Variants in ANKRD26 observed in about 807,000 individuals in gnomAD.
ANKRD26 encodes the protein ankyrin repeat domain 26.
In ANKRD26, 141 loss-of-function variants were observed where a neutral mutation model predicts 208.7. The ratio of observed to expected loss-of-function variants is 0.68; its 90% confidence interval spans 0.59 to 0.78. ANKRD26 has a LOEUF of 0.78. Ranked by LOEUF, ANKRD26 falls within the 30% of genes least tolerant of loss-of-function variation. The pLI is 0.00. For missense variants in ANKRD26, 1,889 were observed against 1,938.7 expected (o/e 0.97, Z 0.48); for synonymous variants, 636 against 660.4 (o/e 0.96, Z 0.57).
At chr10:26,971,595 G>T (rs1438780251), downstream of ANKRD26, among the ~76,000 whole-genome samples, 1 of 148,482 alleles carries the variant, frequency 6.7e-6, no homozygotes, top group Non-Finnish European at 1.5e-5. Context: ...AGAATCGCTT[G>T]AACTCAGGAG....
At chr10:27,079,590 G>A (rs1481409510) in intron 6 of ANKRD26, among the ~76,000 whole-genome samples, 1 of 152,024 alleles carries the variant, frequency 6.6e-6, no homozygotes, top group Non-Finnish European at 1.5e-5. Context: ...GCGGTGGCTC[G>A]TGCCTGTAAT....
the ANKRD26 span, among the ~76,000 whole-genome samples, chr10:26,951,013 CT>C: frequency 7.0e-3 from 703 of 100,350 alleles, no homozygotes; most frequent in South Asian, 0.011. Flanking sequence ...CTTTTCTTTT[CT>C]TTTTCTTTTT....
chr10:26,949,271 G>A, the ANKRD26 span, among the ~76,000 whole-genome samples: 3 of 151,984 alleles, frequency 2.0e-5, no homozygotes, highest in Non-Finnish European at 2.9e-5. Flanking sequence ...ATTGAAGTAT[G>A]ATATACATGT....
intron 18 of ANKRD26, among the ~76,000 whole-genome samples, chr10:27,045,613 T>C (rs1172171586): frequency 6.6e-6 from 1 of 152,154 alleles, no homozygotes; most frequent in Non-Finnish European, 1.5e-5. Context: ...TAAACAACTA[T>C]TAAGTTAATA....
the ANKRD26 span, among the ~76,000 whole-genome samples, chr10:26,960,973 C>A: frequency 6.6e-6 from 1 of 152,094 alleles, no homozygotes; most frequent in Non-Finnish European, 1.5e-5. Context: ...AATCCCAGCC[C>A]TTTGGGAGGC....
chr10:27,079,167 GAACA>G lies in ANKRD26; in HGVS notation c.741-10_741-7del, dbSNP rs1448397398. The G allele has an allele frequency of 6.2e-7, 1 of 1,610,538 alleles. No homozygotes were observed. Among genetic ancestry groups the G allele is most frequent in the Non-Finnish European group, 8.5e-7 (1 of 1,177,068 alleles). ...CACCCGGTTTGCCAGAAAGCCTTTA[GAACA>G]AAAATATAGAAAAATGAGTGAATTC... On this transcript the variant is annotated splice_region_variant and splice_polypyrimidine_tract_variant and intron_variant, in intron 6 of 33. Coordinates refer to ENST00000376087, the MANE Select transcript of ANKRD26 (RefSeq NM_014915.3).
chr10:27,013,157 A>G (rs988316043), intron 31 of ANKRD26, 47 bp from the exon 32 acceptor site: 1 of 1,533,686 alleles, frequency 6.5e-7, no homozygotes, highest in East Asian at 2.3e-5. Flanking sequence ...ACTTTTCCCT[A>G]AATGATTCCT....
At position 27,100,170 on chromosome 10, in the gene ANKRD26, C is replaced by T. The variant is rs2056601350; in HGVS notation, c.157G>A (p.Ala53Thr). 1.2e-6 allele frequency: 2 copies of T among 1,613,992 alleles called. No homozygotes were observed. The highest frequency in any genetic ancestry group is 2.2e-5 in the South Asian group (2 of 91,092). Reference sequence around the variant, plus strand: ...TTCGCCACATTACCCGCGCTGGCAGCTTTGTGGATCTTGCCGAGATCTCGG... The same window carrying T: ...TTCGCCACATTACCCGCGCTGGCAGTTTTGTGGATCTTGCCGAGATCTCGG... The part of the protein sequence containing the change: ...RDRDLGKIHK[A>T]ASAGNVAKVQ... The change falls in exon 1 of 34, where the codon GCT becomes ACT. Residue 53 changes from alanine to threonine, a missense_variant. By Grantham distance (58) the Ala-to-Thr change is moderately conservative. Coordinates refer to ENST00000376087, the MANE Select transcript of ANKRD26 (RefSeq NM_014915.3).
chr10:27,079,847 T>G (rs2055837467), intron 6 of ANKRD26, among the ~76,000 whole-genome samples: 1 of 148,874 alleles, frequency 6.7e-6, no homozygotes, highest in South Asian at 2.1e-4. Flanking sequence ...AGCAAGACAC[T>G]GTCTCAAAAA....
intron 24 of ANKRD26, 63 bp from the exon 25 acceptor site, chr10:27,033,440 A>C: frequency 6.8e-7 from 1 of 1,468,722 alleles, no homozygotes; most frequent in Non-Finnish European, 9.3e-7. Flanking sequence ...GTTAAAAAAT[A>C]AATTATGTTA....
Position 27,005,368 on chromosome 10 carries a change from T to C in ANKRD26, c.*222A>G, listed in dbSNP as rs1312360660. 31 of 1,260,592 alleles carry C rather than the reference T, an allele frequency of 2.5e-5. No homozygotes were observed. The highest frequency in any genetic ancestry group is 3.0e-5 in the Non-Finnish European group (30 of 998,248). The allele number at this position is 1,260,592 out of a possible 1,614,324, so 78.1% of individuals were successfully genotyped here. A position where few individuals can be genotyped will look rare whatever the true frequency, so the allele number is the denominator to read the frequency against. ...TTTGGCTGTTTAAACAGCTCACATT[T>C]GGGCAGTTTGAGTATGTAAAACTCA... On this transcript the variant is annotated 3_prime_UTR_variant, in exon 34 of 34. Transcript: ENST00000376087.
At chr10:27,079,265 AAACCTGGTG>A in intron 6 of ANKRD26, 104 bp from the exon 7 acceptor site, 2 of 869,962 alleles carry the variant, frequency 2.3e-6, no homozygotes, top group African/African-American at 1.7e-5. Flanking sequence ...AAAAAAACAA[AAACCTGGTG>A]AAAGGTCAAC....
downstream of ANKRD26, among the ~76,000 whole-genome samples, chr10:26,988,927 CTGTT>C (rs1361354800): frequency 1.1e-4 from 17 of 151,738 alleles, no homozygotes; most frequent in South Asian, 3.3e-3. Context: ...TTATCTTCTC[CTGTT>C]TGTTTTTTCT....
intron 22 of ANKRD26, among the ~76,000 whole-genome samples, chr10:27,037,539 T>C (rs748928120): frequency 6.6e-6 from 1 of 152,180 alleles, no homozygotes; most frequent in Admixed American, 6.5e-5. Flanking sequence ...CAGGCAAATA[T>C]AGAATTGTGA....
chr10:27,077,577 T>C (rs769789065), intron 8 of ANKRD26, 37 bp from the exon 9 acceptor site: 1 of 1,610,866 alleles, frequency 6.2e-7, no homozygotes, highest in Admixed American at 1.7e-5. Flanking sequence ...AATGAAAATA[T>C]ATGTAATTAA....
At chr10:27,045,888 G>A (rs1381259229) in intron 18 of ANKRD26, among the ~76,000 whole-genome samples, 4 of 152,078 alleles carry the variant, frequency 2.6e-5, no homozygotes, top group Non-Finnish European at 4.4e-5. Flanking sequence ...TACATTAATA[G>A]AAGTTCTAAG....
chr10:27,089,525 C>T (rs575468058), intron 4 of ANKRD26, among the ~76,000 whole-genome samples: 1 of 152,364 alleles, frequency 6.6e-6, no homozygotes, highest in East Asian at 1.9e-4. Flanking sequence ...GACACAGTGG[C>T]TCATGCCTAT....
At chr10:27,099,573 G>C (rs1306118556) in intron 1 of ANKRD26, among the ~76,000 whole-genome samples, 2 of 130,954 alleles carry the variant, frequency 1.5e-5, no homozygotes, top group South Asian at 6.0e-4. Context: ...GGGGGGGGGG[G>C]TCTCGCTATA....
rs116380474 is a variant in ANKRD26, at chr10:27,094,585, C to T, written c.243-786G>A. Among the ~76,000 whole-genome samples, 478 of 152,328 alleles carry T rather than the reference C, an allele frequency of 3.1e-3. 1 individual carries two copies. The highest frequency in any genetic ancestry group is 0.011 in the African/African-American group (455 of 41,574). On this transcript the variant is annotated intron_variant, in intron 1 of 33. Transcript: ENST00000376087. The stretch of plus-strand genomic sequence containing the variant: ...GAGAATCTATGCAAAATGTTTAGAA[C>T]AGTTCCTAGCACAAATAACAGCTCA...
Sources: allele counts gnomAD v4.1 joint callset (sites outside exome capture counted in the v4.1 genomes callset), GRCh38; gene constraint gnomAD v4.1.1; transcripts MANE v1.5; gene names NCBI Gene and HGNC (gene_info 2026-07-23, HGNC 2026-07-21).